Variants in CDH19 observed in about 807,000 individuals in gnomAD.
CDH19 encodes the protein cadherin 19, also known as cadherin-19.
A neutral mutation model predicts 64.2 loss-of-function variants in CDH19; 67 were observed. The observed-to-expected ratio is 1.04, with a 90% CI of 0.86 to 1.28. The LOEUF (loss-of-function observed/expected upper bound fraction) is 1.28. CDH19 is among the 50% of genes most tolerant of loss of function. The pLI, the probability that CDH19 is intolerant of heterozygous loss-of-function variation, is 0.00. For synonymous variants in CDH19, 346 were observed against 319.3 expected, an observed-to-expected ratio of 1.08 and a Z score of -0.89; for missense variants, 1,030 against 929.0, an observed-to-expected ratio of 1.11 and a Z score of -1.41.
At chr18:66,588,429 G>T (rs115844937) in intron 1 of CDH19, among the ~76,000 whole-genome samples, 1 of 151,720 alleles carries the variant, frequency 6.6e-6, no homozygotes, top group Non-Finnish European at 1.5e-5. Flanking sequence ...AGAGTTCAGC[G>T]AGCCAGCTGT....
chr18:66,566,221 C>T lies in CDH19; in HGVS notation c.490+2195G>A, dbSNP rs572102141. On this transcript the variant is annotated intron_variant, in intron 3 of 11. Transcript: ENST00000262150. ...CGTTTATTAACTGATTGGTTATGAA[C>T]AAATATGTTAACATATAATCTGTCC... Among the ~76,000 whole-genome samples, 132 of 148,938 alleles carry T rather than the reference C, an allele frequency of 8.9e-4. 1 individual carries two copies. Among genetic ancestry groups the T allele is most frequent in the Middle Eastern group, 7.1e-3 (2 of 282 alleles).
In CDH19 at chr18:66,543,987, T is replaced by C. The variant is rs755337997; in HGVS notation, c.1198A>G (p.Arg400Gly). ...GVVSATDPDNRKSPIRYSITR... is the reference protein window; with the variant it reads ...GVVSATDPDNGKSPIRYSITR... ...CAGACATACCTGATAGGAGATTTCCTATTGTCTGGGTCTGTGGCAGACACC... is the reference window on the plus strand; with the variant it reads ...CAGACATACCTGATAGGAGATTTCCCATTGTCTGGGTCTGTGGCAGACACC... Residue 400 changes from arginine to glycine, a missense_variant, in exon 7 of 12, where the codon AGG becomes GGG. By Grantham distance (125) the Arg-to-Gly change is moderately radical. Coordinates refer to ENST00000262150, the MANE Select transcript of CDH19 (RefSeq NM_021153.4). 121 of 1,612,432 alleles carry C rather than the reference T, an allele frequency of 7.5e-5. No homozygotes were observed. The highest frequency in any genetic ancestry group is 1.0e-4 in the Non-Finnish European group (119 of 1,179,060).
At chr18:66,601,014 C>A (rs1989024731) in intron 1 of CDH19, among the ~76,000 whole-genome samples, 1 of 151,840 alleles carries the variant, frequency 6.6e-6, no homozygotes, top group South Asian at 2.1e-4. Flanking sequence ...AGTTCAAGAG[C>A]AATTTCAAGC....
At position 66,511,648 on chromosome 18, in the gene CDH19, G is replaced by C; in HGVS notation, c.1496C>G (p.Ser499Cys). The C allele has an allele frequency of 6.3e-7, 1 of 1,578,242 alleles. No individual in the cohort carries two copies. The highest frequency in any genetic ancestry group is 1.7e-5 in the Admixed American group (1 of 59,514). Residue 499 changes from serine (S) to cysteine (C), a missense_variant, in exon 10 of 12, where the codon TCC becomes TGC. Ser to Cys is a moderately radical substitution (Grantham distance 112, BLOSUM62 -1). Transcript: ENST00000262150. ...QTISAVDRDE[S>C]IEEHHFYFNL... ...AAAGTAAAAATGGTGCTCTTCTATG[G>C]ATTCATCTCTATCCACTGCACTGAT... is the stretch of plus-strand genomic sequence containing the variant.
At chr18:66,508,092 C>T (rs747137588) in intron 11 of CDH19, among the ~76,000 whole-genome samples, 45 of 151,726 alleles carry the variant, frequency 3.0e-4, no homozygotes, top group Non-Finnish European at 5.9e-5. Context: ...TGTCACTTGC[C>T]ACAACATAGA....
In CDH19 at chr18:66,511,652, C is replaced by T. The variant is rs377496702; in HGVS notation, c.1492G>A (p.Glu498Lys). The T allele has an allele frequency of 5.1e-6, 8 of 1,572,990 alleles. No homozygotes were observed. The highest frequency in any genetic ancestry group is 7.0e-6 in the Non-Finnish European group (8 of 1,144,198). The change falls in exon 10 of 12, where the codon GAA becomes AAA. Residue 498 changes from glutamate to lysine, a missense_variant. Physicochemically the swap from Glu to Lys is moderately conservative, Grantham distance 56. Transcript: ENST00000262150. ...IQTISAVDRD[E>K]SIEEHHFYFN... ...TAAAAATGGTGCTCTTCTATGGATT[C>T]ATCTCTATCCACTGCACTGATAGTC...
In CDH19 at chr18:66,511,738, T is replaced by C. The variant is rs562400091; in HGVS notation, c.1459-53A>G. The C allele has an allele frequency of 3.7e-6, 3 of 806,716 alleles. No homozygotes were observed. The African/African-American group carries it at 5.2e-5, about 14-fold the overall frequency. 50.0% of individuals were successfully genotyped at this position (806,716 alleles called of 1,614,324 possible). A position where few individuals can be genotyped will look rare whatever the true frequency, so the allele number is the denominator to read the frequency against. On this transcript the variant is annotated intron_variant, in intron 9 of 11. Coordinates refer to ENST00000262150, the MANE Select transcript of CDH19 (RefSeq NM_021153.4). ...TTGTTGTTTGGATTCAGGAAGAAGA[T>C]CACTGCTGCTATTATTATTAGCTTT...
chr18:66,559,011 G>A (rs558525030), intron 3 of CDH19, among the ~76,000 whole-genome samples: 1 of 151,840 alleles, frequency 6.6e-6, no homozygotes, highest in East Asian at 1.9e-4. Flanking sequence ...GAATCACTCC[G>A]AAGAGGTTTA....
chr18:66,548,955 G>GT (rs1207269948), intron 5 of CDH19, among the ~76,000 whole-genome samples: 1 of 152,130 alleles, frequency 6.6e-6, no homozygotes, highest in Non-Finnish European at 1.5e-5. Context: ...GGAGAGGGAT[G>GT]TTTGAGAGAT....
chr18:66,590,058 A>C (rs556468208), intron 1 of CDH19, among the ~76,000 whole-genome samples: 87 of 152,074 alleles, frequency 5.7e-4, no homozygotes, highest in Non-Finnish European at 9.4e-4. Context: ...ATATGTAGAC[A>C]AATAAGGGTT....
rs368150128 is a variant in CDH19 at position 66,580,586 on chromosome 18, C to T, written c.-112-8270G>A. 4.3e-4 allele frequency among the ~76,000 whole-genome samples: 65 copies of T among 152,030 alleles called. No individual in the cohort carries two copies. In the East Asian group the frequency reaches 5.2e-3, roughly 12 times the overall value. Reference sequence around the variant, plus strand: ...AAGTTTCTGCAAGATTCTCCTTCCTCGAAAACAGTTTAAAGTAAATATGAC... The same window carrying T: ...AAGTTTCTGCAAGATTCTCCTTCCTTGAAAACAGTTTAAAGTAAATATGAC... On this transcript the variant is annotated intron_variant, in intron 1 of 11. Transcript: ENST00000262150.
chr18:66,530,959 G>GCCGCGTTATCATAATGTTCACACAGCCTC (rs1986420497), intron 8 of CDH19, among the ~76,000 whole-genome samples: 1 of 152,078 alleles, frequency 6.6e-6, no homozygotes, highest in African/African-American at 2.4e-5. Flanking sequence ...GTGGAGACAC[G>GCCGCGTTATCATAATGTTCACACAGCCTC]CCGCGTTATC....
chr18:66,501,933 T>A lies in CDH19; in HGVS notation c.*2879A>T, dbSNP rs151072903. The A allele has an allele frequency of 4.0e-4, 61 of 152,208 alleles. 1 individual carries two copies. In the East Asian group the frequency reaches 0.011, roughly 29 times the overall value. 9.4% of individuals were successfully genotyped at this position (152,208 alleles called of 1,614,324 possible). On this transcript the variant is annotated 3_prime_UTR_variant, in exon 12 of 12. Coordinates refer to ENST00000262150, the MANE Select transcript of CDH19 (RefSeq NM_021153.4). ...CAGTTCGCTAGTCCTAATTTTCTTATTTTTACCATTAAAAATTTGAAGCTT... is the reference window on the plus strand; with the variant it reads ...CAGTTCGCTAGTCCTAATTTTCTTAATTTTACCATTAAAAATTTGAAGCTT...
chr18:66,508,395 C>T (rs554889277), intron 11 of CDH19, among the ~76,000 whole-genome samples: 187 of 141,598 alleles, frequency 1.3e-3, no homozygotes, highest in African/African-American at 4.2e-3. Flanking sequence ...GATTTTACTG[C>T]GCTGTTTTTT....
chr18:66,584,387 G>T (rs1170878062), intron 1 of CDH19, among the ~76,000 whole-genome samples: 2 of 151,946 alleles, frequency 1.3e-5, no homozygotes, highest in Non-Finnish European at 2.9e-5. Flanking sequence ...TTACACTGTC[G>T]GTGAGAGTAT....
chr18:66,521,950 T>C (rs1427941149), intron 9 of CDH19, among the ~76,000 whole-genome samples: 2 of 151,564 alleles, frequency 1.3e-5, no homozygotes, highest in Non-Finnish European at 1.5e-5. Context: ...TTGTTGTTGT[T>C]GTTGTTGTTG....
chr18:66,503,594 T>C lies in CDH19; in HGVS notation c.*1218A>G, dbSNP rs761081254. Reference sequence around the variant, plus strand: ...CCAGTTTCATAAAGTTTGCATTTAATTATGAGTAAATATTGACTTGTATTT... The same window carrying C: ...CCAGTTTCATAAAGTTTGCATTTAACTATGAGTAAATATTGACTTGTATTT... On this transcript the variant is annotated 3_prime_UTR_variant, in exon 12 of 12. Transcript: ENST00000262150. The C allele has an allele frequency of 4.6e-5, 7 of 151,894 alleles. No individual in the cohort carries two copies. Among genetic ancestry groups the C allele is most frequent in the Non-Finnish European group, 1.0e-4 (7 of 67,868 alleles). 9.4% of individuals were successfully genotyped at this position (151,894 alleles called of 1,614,324 possible).
At chr18:66,518,296 C>A (rs1296633249) in intron 9 of CDH19, among the ~76,000 whole-genome samples, 1 of 151,964 alleles carries the variant, frequency 6.6e-6, no homozygotes. Flanking sequence ...TGCAACGGTG[C>A]GATCTCGGCT....
At chr18:66,531,046 G>A (rs73537777) in intron 8 of CDH19, among the ~76,000 whole-genome samples, 2,581 of 152,222 alleles carry the variant, frequency 0.017, 64 homozygotes, top group African/African-American at 0.057. Flanking sequence ...ATATGCGATA[G>A]AACAGCACCC....
Sources: gnomAD v4.1 joint callset for allele counts (sites outside exome capture counted in the v4.1 genomes callset) on GRCh38, gnomAD v4.1.1 for gene constraint, MANE v1.5 for transcripts, NCBI Gene and HGNC (gene_info 2026-07-23, HGNC 2026-07-21) for gene names.